The following STOX1 variants were observed in gnomAD, a reference collection of about 807,000 sequenced individuals.
The protein encoded by STOX1 is storkhead box 1.
In STOX1, 57 loss-of-function variants were observed where a neutral mutation model predicts 74.8. The observed-to-expected ratio is 0.76, with a 90% CI of 0.62 to 0.95. The LOEUF (loss-of-function observed/expected upper bound fraction) is 0.95. Ranked by LOEUF, STOX1 falls within the 40% of genes least tolerant of loss-of-function variation. The probability of loss-of-function intolerance (pLI) is 0.00; values close to 1 mark genes in which losing one functional copy is unlikely to be tolerated. For synonymous variants in STOX1, 375 were observed against 401.3 expected (o/e 0.93, Z 0.78); for missense variants, 1,010 against 1,117.0 (o/e 0.90, Z 1.37).
At chr10:68,863,838 G>C (rs1359123781) in intron 1 of STOX1, among the ~76,000 whole-genome samples, 1 of 151,488 alleles carries the variant, frequency 6.6e-6, no homozygotes, top group Non-Finnish European at 1.5e-5. Context: ...CTCAATTACA[G>C]CTATAAGCTC....
intron 3 of STOX1, among the ~76,000 whole-genome samples, chr10:68,888,551 C>G (rs1185550464): frequency 6.6e-6 from 1 of 151,030 alleles, no homozygotes; most frequent in Non-Finnish European, 1.5e-5. Flanking sequence ...AATAGCCTAT[C>G]ATATGAACAT....
At chr10:68,855,083 A>C (rs574446489) in intron 1 of STOX1, among the ~76,000 whole-genome samples, 1 of 150,904 alleles carries the variant, frequency 6.6e-6, no homozygotes, top group Admixed American at 6.6e-5. Flanking sequence ...ACACCACTGC[A>C]CTCCAGCCTG....
chr10:68,891,744 G>T (rs904520053), intron 3 of STOX1, among the ~76,000 whole-genome samples: 1 of 151,718 alleles, frequency 6.6e-6, no homozygotes, highest in African/African-American at 2.4e-5. Flanking sequence ...GGAGGTTGCA[G>T]TGGGCCAAGA....
intron 1 of STOX1, among the ~76,000 whole-genome samples, chr10:68,869,823 G>C (rs1840493871): frequency 6.6e-6 from 1 of 152,144 alleles, no homozygotes; most frequent in Non-Finnish European, 1.5e-5. Context: ...ATTTGGCATG[G>C]GGACCCTTTT....
At chr10:68,859,972 G>A (rs560516786) in intron 1 of STOX1, among the ~76,000 whole-genome samples, 14 of 151,942 alleles carry the variant, frequency 9.2e-5, no homozygotes, top group African/African-American at 1.9e-4. Flanking sequence ...AGAAAGAATC[G>A]GAGATGAAGG....
Position 68,885,846 on chromosome 10 carries a change from G to C in STOX1, c.2050G>C (p.Ala684Pro), listed in dbSNP as rs1271164879. The change falls in exon 3 of 4, where the codon GCT becomes CCT. Residue 684 changes from alanine to proline, a missense_variant. Coordinates refer to ENST00000298596, the MANE Select transcript of STOX1 (RefSeq NM_152709.5). ...AGTTGGCGTGAACCCTTTAAGACAA[G>C]CTGCAAGACAAGACAAAGACTCAGA... ...YPVGVNPLRQ[A>P]ARQDKDSEEL... The C allele has an allele frequency of 1.2e-6, 2 of 1,614,040 alleles. No homozygotes were observed.
At chr10:68,829,113 C>A in intron 1 of STOX1, 6 of 397,714 alleles carry the variant, frequency 1.5e-5, no homozygotes, top group Non-Finnish European at 2.0e-5. Context: ...TCATTCTTAC[C>A]AAGGAACCCC....
intron 1 of STOX1, among the ~76,000 whole-genome samples, chr10:68,866,755 AAC>A (rs967419948): frequency 6.6e-6 from 1 of 152,152 alleles, no homozygotes; most frequent in African/African-American, 2.4e-5. Context: ...GCCCTGGTGC[AAC>A]ACAGTCTACT....
intron 1 of STOX1, among the ~76,000 whole-genome samples, chr10:68,862,575 C>T (rs1054570423): frequency 1.3e-5 from 2 of 152,064 alleles, no homozygotes; most frequent in Admixed American, 1.3e-4. Context: ...ATAGTTTCCA[C>T]AAATCCTTGT....
At chr10:68,829,521 A>G (rs916658696) in intron 1 of STOX1, among the ~76,000 whole-genome samples, 10 of 152,208 alleles carry the variant, frequency 6.6e-5, no homozygotes, top group Non-Finnish European at 1.2e-4. Context: ...CCGTCTCAAA[A>G]GGAAAAAGAA....
downstream of STOX1, among the ~76,000 whole-genome samples, chr10:68,894,895 T>C (rs185414141): frequency 1.3e-5 from 2 of 152,182 alleles, no homozygotes; most frequent in East Asian, 3.9e-4. Flanking sequence ...TTGTCTTAAT[T>C]TTATTTTTTG....
chr10:68,845,631 C>T lies in STOX1; in HGVS notation c.310+17698C>T, dbSNP rs187247246. On this transcript the variant is annotated intron_variant, in intron 1 of 3. Coordinates refer to ENST00000298596, the MANE Select transcript of STOX1 (RefSeq NM_152709.5). ...TTTTTATTTTTTTTGGATGGATTTT[C>T]GCTCTTGTTGCCCAGGCTGGAGTGC... 1.4e-4 allele frequency among the ~76,000 whole-genome samples: 20 copies of T among 142,524 alleles called. No homozygotes were observed. In the East Asian group the frequency reaches 3.4e-3, roughly 24 times the overall value. The allele number at this position is 142,524 out of a possible 152,430, so 93.5% of individuals were successfully genotyped here. A position where few individuals can be genotyped will look rare whatever the true frequency, so the allele number is the denominator to read the frequency against.
At chr10:68,867,955 C>T (rs1840449686) in intron 1 of STOX1, among the ~76,000 whole-genome samples, 1 of 151,852 alleles carries the variant, frequency 6.6e-6, no homozygotes, top group South Asian at 2.1e-4. Flanking sequence ...AGCCTCATGC[C>T]TGTTCGACCC....
chr10:68,861,816 T>C (rs1235441139), intron 1 of STOX1, among the ~76,000 whole-genome samples: 1 of 152,168 alleles, frequency 6.6e-6, no homozygotes, highest in Non-Finnish European at 1.5e-5. Flanking sequence ...ATGCTTTAAA[T>C]ATTTGTTCTG....
At chr10:68,835,426 G>A (rs1159715406) in intron 1 of STOX1, among the ~76,000 whole-genome samples, 1 of 152,020 alleles carries the variant, frequency 6.6e-6, no homozygotes, top group Admixed American at 6.6e-5. Flanking sequence ...GGGCTAAAGT[G>A]ATCCTCCCTT....
intron 1 of STOX1, among the ~76,000 whole-genome samples, chr10:68,862,964 A>G (rs1840295639): frequency 6.6e-6 from 1 of 152,092 alleles, no homozygotes; most frequent in African/African-American, 2.4e-5. Flanking sequence ...GAGACCAGAA[A>G]GCATGAGTAA....
intron 1 of STOX1, among the ~76,000 whole-genome samples, chr10:68,871,611 T>A (rs2131977394): frequency 6.6e-6 from 1 of 152,342 alleles, no homozygotes; most frequent in African/African-American, 2.4e-5. Context: ...GATAACCCGA[T>A]TACCCTTAGA....
chr10:68,850,008 T>C (rs1369594219), intron 1 of STOX1, among the ~76,000 whole-genome samples: 1 of 152,020 alleles, frequency 6.6e-6, no homozygotes, highest in Non-Finnish European at 1.5e-5. Context: ...AGCCCAGAGC[T>C]GTGTTTTTTG....
At chr10:68,859,292 T>C (rs1840204066) in intron 1 of STOX1, among the ~76,000 whole-genome samples, 1 of 152,150 alleles carries the variant, frequency 6.6e-6, no homozygotes, top group African/African-American at 2.4e-5. Flanking sequence ...ACCTATTCTT[T>C]GAACAGCTGT....
Sources: allele counts gnomAD v4.1 joint callset (sites outside exome capture counted in the v4.1 genomes callset), GRCh38; gene constraint gnomAD v4.1.1; transcripts MANE v1.5; gene names NCBI Gene and HGNC (gene_info 2026-07-23, HGNC 2026-07-21).